MACROD2: variants seen among roughly 807,000 people sequenced by gnomAD.
MACROD2 encodes the protein ADP-ribose glycohydrolase MACROD2.
In MACROD2, 36 loss-of-function variants were observed where a neutral mutation model predicts 70.4. The ratio of observed to expected loss-of-function variants is 0.51; its 90% CI spans 0.39 to 0.68. The LOEUF (loss-of-function observed/expected upper bound fraction) is 0.68, where lower values mean the gene tolerates loss of function less well. Ranked by LOEUF, MACROD2 falls within the 30% of genes least tolerant of loss-of-function variation. The pLI, the probability that MACROD2 is intolerant of heterozygous loss-of-function variation, is 0.00. For synonymous variants in MACROD2, 172 were observed against 178.8 expected (o/e 0.96, Z 0.30); for missense variants, 496 against 538.4 (o/e 0.92, Z 0.78).
intron 3 of MACROD2, among the ~76,000 whole-genome samples, chr20:14,110,079 A>G (rs570751352): frequency 3.6e-4 from 55 of 152,142 alleles, no homozygotes; most frequent in African/African-American, 1.2e-3. Context: ...AACACATGCA[A>G]ATCAATCAGT....
At chr20:14,288,131 GTGTACCT>G (rs2082359444) in intron 3 of MACROD2, among the ~76,000 whole-genome samples, 2 of 151,506 alleles carry the variant, frequency 1.3e-5, no homozygotes, top group African/African-American at 4.9e-5. Flanking sequence ...ACAAGGTAGG[GTGTACCT>G]TGTACACCAC....
intron 6 of MACROD2, among the ~76,000 whole-genome samples, chr20:15,390,374 T>G (rs1445235929): frequency 1.3e-5 from 2 of 152,224 alleles, no homozygotes; most frequent in Non-Finnish European, 2.9e-5. Flanking sequence ...GTTTCATTTT[T>G]TTTTCTTGGG....
At chr20:14,363,405 G>T (rs184672182) in intron 3 of MACROD2, among the ~76,000 whole-genome samples, 2 of 152,160 alleles carry the variant, frequency 1.3e-5, no homozygotes, top group African/African-American at 4.8e-5. Flanking sequence ...AAAACATGCC[G>T]TTCTAACCAT....
At chr20:14,841,587 A>G (rs1018213995) in intron 5 of MACROD2, among the ~76,000 whole-genome samples, 1 of 152,128 alleles carries the variant, frequency 6.6e-6, no homozygotes, top group African/African-American at 2.4e-5. Flanking sequence ...GAATGACACT[A>G]CAATGCAGCT....
intron 8 of MACROD2, among the ~76,000 whole-genome samples, chr20:15,816,775 G>C (rs2063880783): frequency 1.3e-5 from 2 of 152,196 alleles, no homozygotes; most frequent in African/African-American, 4.8e-5. Flanking sequence ...AAAGGATATA[G>C]CAGGATCCCT....
At chr20:15,143,520 G>C (rs2076207803) in intron 5 of MACROD2, among the ~76,000 whole-genome samples, 1 of 152,084 alleles carries the variant, frequency 6.6e-6, no homozygotes, top group Admixed American at 6.6e-5. Flanking sequence ...AGTTTAATTA[G>C]ATCCCATTTG....
chr20:14,647,145 T>G (rs894745789), intron 4 of MACROD2, among the ~76,000 whole-genome samples: 1 of 152,172 alleles, frequency 6.6e-6, no homozygotes, highest in South Asian at 2.1e-4. Flanking sequence ...AGGCCTTGGT[T>G]GTACAGCAAG....
At chr20:15,616,153 G>T (rs2049035942) in intron 8 of MACROD2, among the ~76,000 whole-genome samples, 1 of 147,692 alleles carries the variant, frequency 6.8e-6, no homozygotes, top group Admixed American at 6.8e-5. Flanking sequence ...CCCGGGCCTG[G>T]AGTGCAGTGG....
chr20:15,929,185 A>G (rs6135607), intron 10 of MACROD2, among the ~76,000 whole-genome samples: 10,987 of 152,186 alleles, frequency 0.072, 606 homozygotes, highest in East Asian at 0.23. Flanking sequence ...TTGGTTCCAG[A>G]CTGTGACTTG....
chr20:15,703,442 T>C (rs6110752), intron 8 of MACROD2, among the ~76,000 whole-genome samples: 50,796 of 152,028 alleles, frequency 0.33, 10,897 homozygotes, highest in African/African-American at 0.62. Context: ...GCCAGAACCC[T>C]GGAGGTATCT....
chr20:14,398,703 G>A (rs191729303), intron 3 of MACROD2, among the ~76,000 whole-genome samples: 59 of 152,054 alleles, frequency 3.9e-4, no homozygotes, highest in Admixed American at 8.5e-4. Context: ...ATTTTCTTCC[G>A]TCCTACAGGT....
At chr20:14,797,983 A>G (rs973128271) in intron 5 of MACROD2, among the ~76,000 whole-genome samples, 1 of 152,138 alleles carries the variant, frequency 6.6e-6, no homozygotes, top group Non-Finnish European at 1.5e-5. Context: ...CTACTGTGTT[A>G]ATAGAACTTT....
chr20:14,421,517 T>G (rs1438855188), intron 3 of MACROD2, among the ~76,000 whole-genome samples: 1 of 152,198 alleles, frequency 6.6e-6, no homozygotes, highest in Non-Finnish European at 1.5e-5. Context: ...ATGTTCATAG[T>G]ATTCTATTCA....
chr20:14,403,952 T>C (rs1329790073), intron 3 of MACROD2, among the ~76,000 whole-genome samples: 1 of 152,036 alleles, frequency 6.6e-6, no homozygotes, highest in African/African-American at 2.4e-5. Context: ...TTTAATATGA[T>C]AAAAAATAAT....
chr20:15,985,664 C>T (rs113476949), intron 13 of MACROD2: 84 of 152,566 alleles, frequency 5.5e-4, no homozygotes, highest in African/African-American at 1.8e-3. Flanking sequence ...TCAGGCTGGC[C>T]GGAGTCCCCC....
intron 7 of MACROD2, among the ~76,000 whole-genome samples, chr20:15,473,847 TAGCACACTCCTC>T (rs749865561): frequency 1.3e-5 from 2 of 152,208 alleles, no homozygotes; most frequent in Non-Finnish European, 2.9e-5. Flanking sequence ...TGTTTTTCAA[TAGCACACTCCTC>T]AAAGTGTCCG....
At chr20:14,883,470 T>G (rs1384707612) in intron 5 of MACROD2, among the ~76,000 whole-genome samples, 1 of 152,158 alleles carries the variant, frequency 6.6e-6, no homozygotes, top group Non-Finnish European at 1.5e-5. Context: ...TGTCAGCTTT[T>G]GAAGTGAATT....
At chr20:14,542,125 G>A (rs565195031) in intron 4 of MACROD2, among the ~76,000 whole-genome samples, 20 of 152,316 alleles carry the variant, frequency 1.3e-4, no homozygotes, top group African/African-American at 4.8e-4. Flanking sequence ...TGCCTGCATG[G>A]CATCAGTTAG....
intron 3 of MACROD2, among the ~76,000 whole-genome samples, chr20:14,387,313 G>A (rs2083479349): frequency 6.6e-6 from 1 of 152,110 alleles, no homozygotes; most frequent in Non-Finnish European, 1.5e-5. Context: ...AAGGATTGCT[G>A]TTGTTAACTT....
Sources: allele counts gnomAD v4.1 joint callset (sites outside exome capture counted in the v4.1 genomes callset), GRCh38; gene constraint gnomAD v4.1.1; transcripts MANE v1.5; gene names NCBI Gene and HGNC (gene_info 2026-07-23, HGNC 2026-07-21).